Variants in TENM3 observed in about 807,000 individuals in gnomAD.
TENM3 encodes the protein teneurin transmembrane protein 3.
A neutral mutation model predicts 255.1 loss-of-function variants in TENM3; 63 were observed. The observed-to-expected ratio is 0.25, with a 90% CI of 0.20 to 0.30. The LOEUF (loss-of-function observed/expected upper bound fraction) is 0.30. TENM3 is among the 10% of genes least tolerant of loss of function. The probability of loss-of-function intolerance (pLI) is 1.00; values close to 1 mark genes in which losing one functional copy is unlikely to be tolerated. For synonymous variants in TENM3, 1,306 were observed against 1,322.3 expected (o/e 0.99, Z 0.27); for missense variants, 2,929 against 3,461.1 (o/e 0.85, Z 3.86).
intron 3 of TENM3, among the ~76,000 whole-genome samples, chr4:182,598,106 G>A (rs536630986): frequency 4.6e-5 from 7 of 152,262 alleles, no homozygotes; most frequent in East Asian, 1.9e-4. Flanking sequence ...TCTTGAGTCC[G>A]GGAGGTCAAG....
intron 19 of TENM3, among the ~76,000 whole-genome samples, chr4:182,749,723 G>A (rs759496823): frequency 2.6e-5 from 4 of 152,124 alleles, no homozygotes; most frequent in Middle Eastern, 3.2e-3. Context: ...CCAGGCAATC[G>A]GGTACAGAGT....
At chr4:182,286,535 C>T (rs547507030) in intron 1 of TENM3, among the ~76,000 whole-genome samples, 1 of 152,292 alleles carries the variant, frequency 6.6e-6, no homozygotes. Context: ...TTCCCTCTAC[C>T]CTCCCCAGCC....
At chr4:182,413,444 C>A (rs1770151523) in intron 3 of TENM3, among the ~76,000 whole-genome samples, 1 of 152,134 alleles carries the variant, frequency 6.6e-6, no homozygotes, top group African/African-American at 2.4e-5. Flanking sequence ...TGGCGAAACC[C>A]TGTCTCTACT....
the TENM3 span, among the ~76,000 whole-genome samples, chr4:182,111,504 C>T: frequency 1.3e-5 from 2 of 152,146 alleles, no homozygotes; most frequent in Non-Finnish European, 2.9e-5. Flanking sequence ...GAAGGATGTT[C>T]ATATTCAAGA....
intron 3 of TENM3, among the ~76,000 whole-genome samples, chr4:182,518,412 A>G (rs62337233): frequency 0.076 from 11,531 of 152,042 alleles, 494 homozygotes; most frequent in East Asian, 0.1. Context: ...TAATCAGTTG[A>G]CTCTGCATTC....
chr4:181,890,262 T>A, the TENM3 span, among the ~76,000 whole-genome samples: 1 of 152,218 alleles, frequency 6.6e-6, no homozygotes, highest in African/African-American at 2.4e-5. Flanking sequence ...TGTCACATTT[T>A]AGTTATCAGC....
At chr4:181,900,451 C>T in the TENM3 span, among the ~76,000 whole-genome samples, 1 of 151,890 alleles carries the variant, frequency 6.6e-6, no homozygotes, top group Non-Finnish European at 1.5e-5. Context: ...AAATATGGTC[C>T]AATACCAAAC....
chr4:182,052,943 T>C, the TENM3 span, among the ~76,000 whole-genome samples: 6 of 152,168 alleles, frequency 3.9e-5, no homozygotes, highest in Non-Finnish European at 8.8e-5. Context: ...AAAGTCCTGA[T>C]TCAAATATAG....
intron 3 of TENM3, among the ~76,000 whole-genome samples, chr4:182,354,740 G>A (rs1014658805): frequency 6.6e-6 from 1 of 152,136 alleles, no homozygotes; most frequent in Non-Finnish European, 1.5e-5. Context: ...CAAACTAAAC[G>A]TGAAACCTAT....
intron 3 of TENM3, among the ~76,000 whole-genome samples, chr4:182,360,817 C>T (rs970622709): frequency 2.6e-5 from 4 of 152,112 alleles, no homozygotes; most frequent in Admixed American, 6.6e-5. Flanking sequence ...ATCCTAGTCT[C>T]GATGGCCTTT....
chr4:181,599,961 G>A, the TENM3 span, among the ~76,000 whole-genome samples: 1 of 152,178 alleles, frequency 6.6e-6, no homozygotes. Flanking sequence ...TCCCAGACCA[G>A]AGAAACCCCT....
At chr4:181,470,108 TAAAAA>T in the TENM3 span, among the ~76,000 whole-genome samples, 4 of 112,746 alleles carry the variant, frequency 3.5e-5, no homozygotes, top group African/African-American at 1.3e-4. Context: ...ATAGCTTCTG[TAAAAA>T]AAAAAAAAAA....
intron 3 of TENM3, among the ~76,000 whole-genome samples, chr4:182,593,793 A>T (rs369346908): frequency 2.0e-5 from 3 of 151,966 alleles, no homozygotes; most frequent in South Asian, 4.2e-4. Flanking sequence ...GCAGACATAT[A>T]CTCACACCAA....
chr4:182,341,481 T>TA (rs1249503283), intron 2 of TENM3, among the ~76,000 whole-genome samples: 2 of 152,158 alleles, frequency 1.3e-5, no homozygotes, highest in African/African-American at 4.8e-5. Flanking sequence ...TTTTTCTACT[T>TA]AAAATATATA....
At chr4:182,266,390 T>A (rs1390084802) in intron 1 of TENM3, among the ~76,000 whole-genome samples, 1 of 152,222 alleles carries the variant, frequency 6.6e-6, no homozygotes, top group Non-Finnish European at 1.5e-5. Flanking sequence ...TTCTAAAAAT[T>A]AATTGTAAGA....
Position 182,346,920 on chromosome 4 carries a change from A to G in TENM3, c.502A>G (p.Ser168Gly), listed in dbSNP as rs1764857482. ...TDTEHENKSD[S>G]ENEQPASNQG... Reference sequence around the variant, plus strand: ...TACGGAGCACGAAAACAAGTCCGACAGTGAGAATGGTAAGTTTCCTTTTTG... The same window carrying G: ...TACGGAGCACGAAAACAAGTCCGACGGTGAGAATGGTAAGTTTCCTTTTTG... The change falls in exon 3 of 28, where the codon AGT becomes GGT. Residue 168 changes from serine to glycine, a missense_variant. Transcript: ENST00000511685. 6 of 1,602,970 alleles carry G rather than the reference A, an allele frequency of 3.7e-6. No homozygotes were observed. Among genetic ancestry groups the G allele is most frequent in the Non-Finnish European group, 5.1e-6 (6 of 1,172,910 alleles).
intron 1 of TENM3, among the ~76,000 whole-genome samples, chr4:182,214,731 C>T (rs1025571670): frequency 2.0e-4 from 31 of 151,904 alleles, no homozygotes; most frequent in African/African-American, 7.3e-4. Flanking sequence ...TTCTCCTTAT[C>T]AACAAATTTA....
At chr4:182,438,867 T>G (rs150019753) in intron 3 of TENM3, among the ~76,000 whole-genome samples, 1 of 152,368 alleles carries the variant, frequency 6.6e-6, no homozygotes, top group Admixed American at 6.5e-5. Context: ...AAGCTTTTGT[T>G]GAAAATCTTG....
At chr4:181,704,220 C>T in the TENM3 span, among the ~76,000 whole-genome samples, 1 of 152,192 alleles carries the variant, frequency 6.6e-6, no homozygotes, top group Non-Finnish European at 1.5e-5. Flanking sequence ...CCCAGTCACT[C>T]CTCCTACCTA....
Sources: gnomAD v4.1 joint callset for allele counts (sites outside exome capture counted in the v4.1 genomes callset) on GRCh38, gnomAD v4.1.1 for gene constraint, MANE v1.5 for transcripts, NCBI Gene and HGNC (gene_info 2026-07-23, HGNC 2026-07-21) for gene names.